The following FBXO4 variants were observed in gnomAD, a reference collection of about 807,000 sequenced individuals.
The protein encoded by FBXO4 is F-box only protein 4.
A neutral mutation model predicts 43.7 loss-of-function variants in FBXO4; 36 were observed. The ratio of observed to expected loss-of-function variants is 0.82; its 90% CI spans 0.63 to 1.09. The LOEUF (loss-of-function observed/expected upper bound fraction) is 1.09, where lower values mean the gene tolerates loss of function less well. Among genes scored for constraint, FBXO4 ranks in the 50% least tolerant of loss-of-function variants. The probability of loss-of-function intolerance (pLI) is 0.00; values close to 1 mark genes in which losing one functional copy is unlikely to be tolerated. For missense variants in FBXO4, 435 were observed against 474.1 expected (o/e 0.92, Z 0.77); for synonymous variants, 180 against 165.6 (o/e 1.09, Z -0.67).
chr5:42,006,639 G>A, the FBXO4 span, among the ~76,000 whole-genome samples: 1 of 151,582 alleles, frequency 6.6e-6, no homozygotes, highest in Non-Finnish European at 1.5e-5. Context: ...AAGTTGAGAA[G>A]GAAGAAAGGA....
At chr5:41,976,031 C>T in the FBXO4 span, among the ~76,000 whole-genome samples, 1 of 152,038 alleles carries the variant, frequency 6.6e-6, no homozygotes, top group Non-Finnish European at 1.5e-5. Context: ...AGGTTCCATG[C>T]TCTTTGAAAT....
At position 41,939,245 on chromosome 5, in the gene FBXO4, T is replaced by C. The variant is rs554627531; in HGVS notation, c.899-196T>C. The stretch of plus-strand genomic sequence containing the variant: ...AGGGTAGTGACATCTACAGAATTTG[T>C]GAAAGGAACTACCTGTATCAAGCAT... On this transcript the variant is annotated intron_variant, in intron 5 of 6. Coordinates refer to ENST00000281623, the MANE Select transcript of FBXO4 (RefSeq NM_012176.3). 6.6e-5 allele frequency: 29 copies of C among 442,272 alleles called. No homozygotes were observed. The Admixed American group carries it at 1.1e-3, about 16-fold the overall frequency. 27.4% of individuals were successfully genotyped at this position (442,272 alleles called of 1,614,324 possible).
At chr5:42,037,191 T>A in the FBXO4 span, among the ~76,000 whole-genome samples, 1 of 152,116 alleles carries the variant, frequency 6.6e-6, no homozygotes, top group Non-Finnish European at 1.5e-5. Flanking sequence ...AACAGAAGTA[T>A]GCAAAAACAA....
chr5:41,995,303 G>A, the FBXO4 span, among the ~76,000 whole-genome samples: 1 of 152,222 alleles, frequency 6.6e-6, no homozygotes, highest in African/African-American at 2.4e-5. Flanking sequence ...CATCCCTGGA[G>A]TAAGTGTTCA....
chr5:42,018,057 C>T, the FBXO4 span, among the ~76,000 whole-genome samples: 6 of 150,946 alleles, frequency 4.0e-5, no homozygotes, highest in African/African-American at 1.5e-4. Context: ...ATGGGAGACT[C>T]TAAGGTATTT....
chr5:41,957,602 T>C, the FBXO4 span, among the ~76,000 whole-genome samples: 1 of 151,772 alleles, frequency 6.6e-6, no homozygotes, highest in South Asian at 2.1e-4. Context: ...TCTGGTTCTT[T>C]TTCATAGGTT....
At chr5:41,963,552 T>C in the FBXO4 span, among the ~76,000 whole-genome samples, 1 of 152,350 alleles carries the variant, frequency 6.6e-6, no homozygotes, top group East Asian at 1.9e-4. Flanking sequence ...AACAGTCAAT[T>C]AACATATATT....
chr5:41,960,872 T>G, the FBXO4 span, among the ~76,000 whole-genome samples: 1 of 152,190 alleles, frequency 6.6e-6, no homozygotes, highest in South Asian at 2.1e-4. Context: ...TAATTTTGAA[T>G]TATTTATTAG....
intron 5 of FBXO4, among the ~76,000 whole-genome samples, chr5:41,936,407 G>A (rs963257598): frequency 9.9e-5 from 15 of 152,188 alleles, no homozygotes; most frequent in African/African-American, 3.6e-4. Flanking sequence ...GGTGGCACGT[G>A]CCTGTAGTCG....
chr5:41,974,978 G>A, the FBXO4 span, among the ~76,000 whole-genome samples: 1 of 152,168 alleles, frequency 6.6e-6, no homozygotes, highest in Non-Finnish European at 1.5e-5. Context: ...TGAGTTTGAA[G>A]TGTGTTTCTG....
chr5:41,954,403 A>G, the FBXO4 span, among the ~76,000 whole-genome samples: 1 of 152,132 alleles, frequency 6.6e-6, no homozygotes, highest in African/African-American at 2.4e-5. Flanking sequence ...TCCTTTTTCT[A>G]CTTCATTGTT....
At chr5:41,989,122 T>C in the FBXO4 span, among the ~76,000 whole-genome samples, 2 of 152,178 alleles carry the variant, frequency 1.3e-5, no homozygotes, top group Non-Finnish European at 2.9e-5. Context: ...GATGTTAATA[T>C]TGAACACAAT....
chr5:41,952,173 G>A, the FBXO4 span: 47 of 164,190 alleles, frequency 2.9e-4, no homozygotes, highest in Admixed American at 6.4e-4. Flanking sequence ...TCATTTTCAG[G>A]ACATCAAGGG....
At chr5:41,972,998 G>T in the FBXO4 span, among the ~76,000 whole-genome samples, 12 of 152,076 alleles carry the variant, frequency 7.9e-5, no homozygotes, top group Non-Finnish European at 1.3e-4. Context: ...ATCTCATTCT[G>T]GTCATATGCC....
the FBXO4 span, among the ~76,000 whole-genome samples, chr5:42,040,257 T>A: frequency 3.9e-5 from 6 of 152,096 alleles, no homozygotes; most frequent in Admixed American, 3.9e-4. Context: ...AATATGTGTG[T>A]GTGTTTTTAT....
the FBXO4 span, chr5:41,968,036 C>T: frequency 2.5e-6 from 1 of 393,656 alleles, no homozygotes; most frequent in South Asian, 2.1e-5. Context: ...TGCCGCACTT[C>T]CTGCTTGATC....
the FBXO4 span, among the ~76,000 whole-genome samples, chr5:41,989,989 G>T: frequency 5.3e-5 from 8 of 152,118 alleles, no homozygotes; most frequent in Admixed American, 3.3e-4. Context: ...GGACCTAGTG[G>T]GTTCTGACAG....
the FBXO4 span, among the ~76,000 whole-genome samples, chr5:41,993,965 T>C: frequency 0.038 from 5,725 of 152,214 alleles, 158 homozygotes; most frequent in Non-Finnish European, 0.057. Context: ...TTAATGTCCT[T>C]TGGCAACATC....
At chr5:41,944,572 CAG>C, downstream of FBXO4, among the ~76,000 whole-genome samples, 1 of 152,086 alleles carries the variant, frequency 6.6e-6, no homozygotes, top group East Asian at 1.9e-4. Flanking sequence ...CTAAATAAGT[CAG>C]ATAAAAAATG....
Sources: allele counts gnomAD v4.1 joint callset (sites outside exome capture counted in the v4.1 genomes callset), GRCh38; gene constraint gnomAD v4.1.1; transcripts MANE v1.5; gene names NCBI Gene and HGNC (gene_info 2026-07-23, HGNC 2026-07-21).